DUSP2: variants seen among roughly 807,000 people sequenced by gnomAD.
DUSP2 encodes the protein dual specificity phosphatase 2, also known as dual specificity protein phosphatase 2.
DUSP2 carries 20 observed loss-of-function variants against 23.3 expected under a neutral mutation model. The observed-to-expected ratio is 0.86, with a 90% CI of 0.60 to 1.25. The LOEUF (loss-of-function observed/expected upper bound fraction) is 1.25. Among genes scored for constraint, DUSP2 ranks in the 50% most tolerant of loss-of-function variants. DUSP2 has a pLI of 0.00. For synonymous variants in DUSP2, 231 were observed against 209.7 expected, an observed-to-expected ratio of 1.10 and a Z score of -0.88; for missense variants, 435 against 452.6, an observed-to-expected ratio of 0.96 and a Z score of 0.35.
chr2:96,143,613 G>T lies in DUSP2; in HGVS notation c.*210C>A. The T allele has an allele frequency of 1.6e-6, 1 of 633,056 alleles. No individual in the cohort carries two copies. The highest frequency in any genetic ancestry group is 2.0e-5 in the South Asian group (1 of 49,926). 39.2% of individuals were successfully genotyped at this position (633,056 alleles called of 1,614,324 possible). A position where few individuals can be genotyped will look rare whatever the true frequency, so the allele number is the denominator to read the frequency against. On this transcript the variant is annotated 3_prime_UTR_variant, in exon 4 of 4. Coordinates refer to ENST00000288943, the MANE Select transcript of DUSP2 (RefSeq NM_004418.4). ...CCCTTGGTTCCCGACCCCGAATGAG[G>T]GCCAGCCTCAGTCCCCCAGCAGAAG... is the stretch of plus-strand genomic sequence containing the variant.
Position 96,145,314 on chromosome 2 carries a change from A to T in DUSP2, c.41T>A (p.Leu14Gln). 7.0e-7 allele frequency: 1 copy of T among 1,421,346 alleles called. No homozygotes were observed. The highest frequency in any genetic ancestry group is 9.2e-7 in the Non-Finnish European group (1 of 1,090,090). 88.0% of individuals were successfully genotyped at this position (1,421,346 alleles called of 1,614,324 possible). ...CCGCGGATCCCGCAGCAGCGTGCCC[A>T]GCGCCGCGCACTCCAGCTCGCGCGC... is the stretch of plus-strand genomic sequence containing the variant. ...EAARELECAALGTLLRDPREA... is the reference protein window; with the variant it reads ...EAARELECAAQGTLLRDPREA... Residue 14 changes from leucine (L) to glutamine (Q), a missense_variant, in exon 1 of 4, where the codon CTG becomes CAG. Physicochemically the swap from Leu to Gln is moderately radical, Grantham distance 113 (BLOSUM62 -2). Coordinates refer to ENST00000288943, the MANE Select transcript of DUSP2 (RefSeq NM_004418.4).
chr2:96,145,045 C>T lies in DUSP2; in HGVS notation c.310G>A (p.Asp104Asn), dbSNP rs1478674718. 2 of 1,527,560 alleles carry T rather than the reference C, an allele frequency of 1.3e-6. No homozygotes were observed. The highest frequency in any genetic ancestry group is 2.5e-5 in the East Asian group (1 of 40,114). The allele number at this position is 1,527,560 out of a possible 1,614,324, so 94.6% of individuals were successfully genotyped here. ...GSASVAELRPDSPAHVLLAAL... is the reference protein window; with the variant it reads ...GSASVAELRPNSPAHVLLAAL... The stretch of plus-strand genomic sequence containing the variant: ...GCCAGCAGCACATGAGCCGGGCTGT[C>T]GGGCCGGAGCTCCGCCACCGAGGCA... The change falls in exon 1 of 4, where the codon GAC (aspartate) becomes AAC (asparagine). Residue 104 changes from aspartate to asparagine, a missense_variant. Coordinates refer to ENST00000288943, the MANE Select transcript of DUSP2 (RefSeq NM_004418.4).
chr2:96,145,111 G>A lies in DUSP2; in HGVS notation c.244C>T (p.Arg82Cys), dbSNP rs1201618181. The part of the protein sequence containing the change: ...PDRALRTRLV[R>C]GELARAVVLD... The stretch of plus-strand genomic sequence containing the variant: ...ACCACGGCCCGCGCCAGCTCCCCGC[G>A]GACCAGGCGCGTCCGCAGCGCGCGG... Residue 82 changes from arginine to cysteine, a missense_variant, in exon 1 of 4, where the codon CGC (arginine) becomes TGC (cysteine). By Grantham distance (180) the Arg-to-Cys change is radical (BLOSUM62 -3). Transcript: ENST00000288943. 1.4e-6 allele frequency: 2 copies of A among 1,380,806 alleles called. No individual in the cohort carries two copies. Among genetic ancestry groups the A allele is most frequent in the Non-Finnish European group, 1.9e-6 (2 of 1,078,440 alleles). 85.5% of individuals were successfully genotyped at this position (1,380,806 alleles called of 1,614,324 possible).
intron 2 of DUSP2, 28 bp from the exon 3 acceptor site, chr2:96,144,401 C>T (rs1179066313): frequency 6.2e-7 from 1 of 1,601,034 alleles, no homozygotes. Flanking sequence ...GCGGTGAGGC[C>T]TTTCCAGCCC....
At chr2:96,144,126 G>A (rs1196047702) in intron 3 of DUSP2, 28 bp downstream of exon 3, 1 of 1,613,166 alleles carries the variant, frequency 6.2e-7, no homozygotes, top group Non-Finnish European at 8.5e-7. Context: ...GAGCCCCTCG[G>A]GATTTCTGGG....
In DUSP2 at chr2:96,145,210, C is replaced by G; in HGVS notation, c.145G>C (p.Val49Leu). The G allele has an allele frequency of 1.6e-6, 2 of 1,274,786 alleles. No individual in the cohort carries two copies. The highest frequency in any genetic ancestry group is 2.0e-6 in the Non-Finnish European group (2 of 1,017,668). 79.0% of individuals were successfully genotyped at this position (1,274,786 alleles called of 1,614,324 possible). Residue 49 changes from valine to leucine, a missense_variant, in exon 1 of 4, where the codon GTG becomes CTG. Physicochemically the swap from Val to Leu is conservative, Grantham distance 32 (BLOSUM62 1). Coordinates refer to ENST00000288943, the MANE Select transcript of DUSP2 (RefSeq NM_004418.4). The stretch of plus-strand genomic sequence containing the variant: ...CGCCGCAGCAGCGCGTTCCAAGGCA[C>G]TGGCCGCGCGGCGCGCACGTGGCGC... ...CRRHVRAARPVPWNALLRRRA... is the reference protein window; with the variant it reads ...CRRHVRAARPLPWNALLRRRA...
intron 1 of DUSP2, 22 bp downstream of exon 1, chr2:96,144,945 C>G (rs769578355): frequency 6.5e-7 from 1 of 1,547,758 alleles, no homozygotes. Context: ...TGGGGCGGGC[C>G]AAGGGCGGCC....
At position 96,144,144 on chromosome 2, in the gene DUSP2, G is replaced by A. The variant is rs745878412; in HGVS notation, c.730+10C>T. On this transcript the variant is annotated intron_variant, in intron 3 of 3. Transcript: ENST00000288943. ...CCCCTCGGGATTTCTGGGCAGAGGT[G>A]CCCCCTTACCAATGAAGCCTATGGC... is the stretch of plus-strand genomic sequence containing the variant. 1.9e-6 allele frequency: 3 copies of A among 1,613,840 alleles called. No homozygotes were observed. The South Asian group carries it at 3.3e-5, about 18-fold the overall frequency.
Position 96,144,301 on chromosome 2 carries a change from G to C in DUSP2, c.583C>G (p.Gln195Glu). 1.2e-6 allele frequency: 2 copies of C among 1,613,826 alleles called. No homozygotes were observed. The highest frequency in any genetic ancestry group is 1.7e-6 in the Non-Finnish European group (2 of 1,180,024). The change falls in exon 3 of 4, where the codon CAG becomes GAG. Residue 195 changes from glutamine (Q) to glutamate (E), a missense_variant. Transcript: ENST00000288943. ...CSHSSDLQGL[Q>E]ACGITAVLNV... Reference sequence around the variant, plus strand: ...AGGACGGCTGTGATGCCACAGGCCTGCAGCCCCTGCAGGTCTGACGAGTGA... The same window carrying C: ...AGGACGGCTGTGATGCCACAGGCCTCCAGCCCCTGCAGGTCTGACGAGTGA...
At position 96,144,839 on chromosome 2, in the gene DUSP2, A is replaced by G. The variant is rs551138731; in HGVS notation, c.432T>C (p.Ser144=). The G allele has an allele frequency of 1.9e-6, 3 of 1,560,298 alleles. No homozygotes were observed. The highest frequency in any genetic ancestry group is 1.9e-5 in the Admixed American group (1 of 51,378). ...GCGGCAGCGCAGGGGCGGGGGCCTC[A>G]GAGCACAGATCGGGACAGCAGCCCT... ...GFQGCCPDLC[S]EAPAPALPPT... The change falls in exon 2 of 4, where the codon TCT becomes TCC. Residue 144 remains serine, a synonymous_variant. Coordinates refer to ENST00000288943, the MANE Select transcript of DUSP2 (RefSeq NM_004418.4).
Position 96,145,264 on chromosome 2 carries a change from C to T in DUSP2, c.91G>A (p.Asp31Asn). The T allele has an allele frequency of 7.6e-7, 1 of 1,309,164 alleles. No homozygotes were observed. Among genetic ancestry groups the T allele is most frequent in the Non-Finnish European group, 9.7e-7 (1 of 1,034,454 alleles). 81.1% of individuals were successfully genotyped at this position (1,309,164 alleles called of 1,614,324 possible). Reference sequence around the variant, plus strand: ...CAGAAGGCCAGGAAGGGGCGGCAGTCCAGCAGCAGCGTGCGTTCCGCCTCC... The same window carrying T: ...CAGAAGGCCAGGAAGGGGCGGCAGTTCAGCAGCAGCGTGCGTTCCGCCTCC... ...PREAERTLLLDCRPFLAFCRR... is the reference protein window; with the variant it reads ...PREAERTLLLNCRPFLAFCRR... Residue 31 changes from aspartate to asparagine, a missense_variant, in exon 1 of 4, where the codon GAC becomes AAC. Asp to Asn is a conservative substitution (Grantham distance 23). Coordinates refer to ENST00000288943, the MANE Select transcript of DUSP2 (RefSeq NM_004418.4).
At position 96,144,000 on chromosome 2, in the gene DUSP2, G is replaced by A. The variant is rs1682452275; in HGVS notation, c.768C>T (p.His256=). The A allele has an allele frequency of 6.2e-7, 1 of 1,613,704 alleles. No individual in the cohort carries two copies. Among genetic ancestry groups the A allele is most frequent in the Non-Finnish European group, 8.5e-7 (1 of 1,180,020 alleles). The change falls in exon 4 of 4, where the codon CAC becomes CAT. Residue 256 remains histidine (H), a synonymous_variant. Transcript: ENST00000288943. ...CAGAGCGCGAGATACCCGCCTGGCA[G>A]TGCACCAGCACCCGGCCTCCGCTGT... ...VKNSGGRVLV[H]CQAGISRSAT...
chr2:96,144,523 G>A (rs1682466813), intron 2 of DUSP2, 150 bp from the exon 3 acceptor site: 13 of 766,008 alleles, frequency 1.7e-5, no homozygotes, highest in East Asian at 2.7e-5. Flanking sequence ...ATGTGCGGAG[G>A]ACACACCGGG....
At chr2:96,144,446 C>A (rs1682464945) in intron 2 of DUSP2, 73 bp from the exon 3 acceptor site, 2 of 1,489,160 alleles carry the variant, frequency 1.3e-6, no homozygotes, top group Non-Finnish European at 1.8e-6. Context: ...CGGGTGGAGA[C>A]CCCATGGGCT....
At position 96,143,236 on chromosome 2, in the gene DUSP2, A is replaced by G. The variant is rs531488809; in HGVS notation, c.*587T>C. On this transcript the variant is annotated 3_prime_UTR_variant, in exon 4 of 4. Transcript: ENST00000288943. ...TGTTCTGTATAAATATAAAGTGCTA[A>G]GTTTCCAACCCCTGCCCACAGGGCT... is the stretch of plus-strand genomic sequence containing the variant. 6.5e-6 allele frequency: 1 copy of G among 153,856 alleles called. No homozygotes were observed. Among genetic ancestry groups the G allele is most frequent in the South Asian group, 2.1e-4 (1 of 4,876 alleles). 9.5% of individuals were successfully genotyped at this position (153,856 alleles called of 1,614,324 possible). A position where few individuals can be genotyped will look rare whatever the true frequency, so the allele number is the denominator to read the frequency against.
intron 2 of DUSP2, 113 bp downstream of exon 2, chr2:96,144,648 T>G: frequency 1.0e-6 from 1 of 999,294 alleles, no homozygotes; most frequent in Non-Finnish European, 1.4e-6. Flanking sequence ...CGTATAAAAG[T>G]GTGTGTATAT....
Position 96,145,082 on chromosome 2 carries a change from C to T in DUSP2, c.273G>A (p.Leu91=). The change falls in exon 1 of 4, where the codon CTG becomes CTA. Residue 91 remains leucine (L), a synonymous_variant. Coordinates refer to ENST00000288943, the MANE Select transcript of DUSP2 (RefSeq NM_004418.4). ...VRGELARAVV[L]DEGSASVAEL... is the part of the protein sequence containing the mutation. ...CCGCCACCGAGGCACTGCCCTCGTC[C>T]AGCACCACGGCCCGCGCCAGCTCCC... The T allele has an allele frequency of 6.7e-7, 1 of 1,488,248 alleles. No individual in the cohort carries two copies. Among genetic ancestry groups the T allele is most frequent in the Non-Finnish European group, 8.9e-7 (1 of 1,127,038 alleles). 92.2% of individuals were successfully genotyped at this position (1,488,248 alleles called of 1,614,324 possible). A position where few individuals can be genotyped will look rare whatever the true frequency, so the allele number is the denominator to read the frequency against.
Position 96,143,532 on chromosome 2 carries a change from C to T in DUSP2, c.*291G>A, listed in dbSNP as rs1170527900. 9 of 411,352 alleles carry T rather than the reference C, an allele frequency of 2.2e-5. No individual in the cohort carries two copies. Among genetic ancestry groups the T allele is most frequent in the South Asian group, 5.3e-5 (2 of 37,884 alleles). 25.5% of individuals were successfully genotyped at this position (411,352 alleles called of 1,614,324 possible). On this transcript the variant is annotated 3_prime_UTR_variant, in exon 4 of 4. Transcript: ENST00000288943. The stretch of plus-strand genomic sequence containing the variant: ...ATGGTGGTGGACCAGGGAGAGTCCA[C>T]GGTATAGCGTCTAGCTGATTTCTGC...
At position 96,145,334 on chromosome 2, in the gene DUSP2, G is replaced by A; in HGVS notation, c.21C>T (p.Arg7=). 1.4e-6 allele frequency: 2 copies of A among 1,425,342 alleles called. No individual in the cohort carries two copies. The highest frequency in any genetic ancestry group is 1.8e-6 in the Non-Finnish European group (2 of 1,092,270). 88.3% of individuals were successfully genotyped at this position (1,425,342 alleles called of 1,614,324 possible). Residue 7 remains arginine, a synonymous_variant, in exon 1 of 4, where the codon CGC becomes CGT. Transcript: ENST00000288943. MGLEAA[R]ELECAALGTL... ...TGCCCAGCGCCGCGCACTCCAGCTCGCGCGCCGCCTCCAGCCCCATGGCCA... is the reference window on the plus strand; with the variant it reads ...TGCCCAGCGCCGCGCACTCCAGCTCACGCGCCGCCTCCAGCCCCATGGCCA...
Sources: gnomAD v4.1 joint callset for allele counts on GRCh38, gnomAD v4.1.1 for gene constraint, MANE v1.5 for transcripts, NCBI Gene and HGNC (gene_info 2026-07-23, HGNC 2026-07-21) for gene names.